Variants in PCDH9 observed in about 807,000 individuals in gnomAD.
The protein encoded by PCDH9 is protocadherin 9.
A neutral mutation model predicts 70.6 loss-of-function variants in PCDH9; 24 were observed. That is an observed-to-expected ratio of 0.34 (90% CI 0.25 to 0.48). The LOEUF (loss-of-function observed/expected upper bound fraction) is 0.48. PCDH9 is among the 20% of genes least tolerant of loss of function. The pLI is 0.99. For synonymous variants in PCDH9, 562 were observed against 558.5 expected, an observed-to-expected ratio of 1.01 and a Z score of -0.09; for missense variants, 1,281 against 1,503.6, an observed-to-expected ratio of 0.85 and a Z score of 2.45.
intron 2 of PCDH9, among the ~76,000 whole-genome samples, chr13:66,967,276 T>G (rs1185729336): frequency 6.6e-6 from 1 of 152,096 alleles, no homozygotes; most frequent in Non-Finnish European, 1.5e-5. Flanking sequence ...GTGGAATTAT[T>G]CGTAGTGATA....
chr13:66,954,462 C>T (rs529423956), intron 2 of PCDH9, among the ~76,000 whole-genome samples: 1 of 152,184 alleles, frequency 6.6e-6, no homozygotes, highest in Admixed American at 6.5e-5. Flanking sequence ...AATTTTTTAC[C>T]CTAAACATTG....
intron 3 of PCDH9, among the ~76,000 whole-genome samples, chr13:66,831,289 T>C (rs745781317): frequency 1.3e-5 from 2 of 152,226 alleles, no homozygotes; most frequent in Non-Finnish European, 2.9e-5. Flanking sequence ...CTTTTTTGTT[T>C]CTAGCTAAAA....
intron 3 of PCDH9, among the ~76,000 whole-genome samples, chr13:66,898,958 C>T (rs539985651): frequency 5.3e-5 from 8 of 151,938 alleles, no homozygotes; most frequent in Non-Finnish European, 1.0e-4. Flanking sequence ...GGAAATTAGA[C>T]TTACCTTGAA....
chr13:66,832,401 T>A (rs2139410319), intron 3 of PCDH9, among the ~76,000 whole-genome samples: 1 of 152,204 alleles, frequency 6.6e-6, no homozygotes, highest in South Asian at 2.1e-4. Flanking sequence ...TTTCCCTACA[T>A]TTTATCTTGA....
intron 4 of PCDH9, among the ~76,000 whole-genome samples, chr13:66,498,721 T>A (rs7337888): frequency 0.88 from 133,537 of 152,002 alleles, 58,756 homozygotes; most frequent in East Asian, 1. Context: ...CCTGAAAAAA[T>A]TTTTTTTTAA....
chr13:67,106,867 C>T (rs1189332205), intron 2 of PCDH9, among the ~76,000 whole-genome samples: 1 of 152,230 alleles, frequency 6.6e-6, no homozygotes, highest in Non-Finnish European at 1.5e-5. Context: ...TGTTGCAACA[C>T]AGCCCTGTGT....
rs1050214217 is a variant in PCDH9, at chr13:67,048,782, C to G, written c.3037-145177G>C. Among the ~76,000 whole-genome samples, 13 of 152,194 alleles carry G rather than the reference C, an allele frequency of 8.5e-5. No homozygotes were observed. The South Asian group carries it at 2.3e-3, about 27-fold the overall frequency. On this transcript the variant is annotated intron_variant, in intron 2 of 4. Coordinates refer to ENST00000377865, the MANE Select transcript of PCDH9 (RefSeq NM_203487.3). ...CTGCCTTACTCACAGGTGTTTCCTG[C>G]TCAGTGACTCACACGGTTTTGCACA...
intron 2 of PCDH9, among the ~76,000 whole-genome samples, chr13:67,033,403 AG>A (rs1381229074): frequency 2.0e-5 from 3 of 152,232 alleles, no homozygotes; most frequent in Admixed American, 2.0e-4. Context: ...CATGTGTCAT[AG>A]ATAAGGTACA....
chr13:66,963,883 A>T (rs975927142), intron 2 of PCDH9, among the ~76,000 whole-genome samples: 1 of 152,086 alleles, frequency 6.6e-6, no homozygotes, highest in Non-Finnish European at 1.5e-5. Flanking sequence ...AACTTTTTAT[A>T]TTTTTTTGTG....
At chr13:66,806,779 C>T (rs939614445) in intron 3 of PCDH9, among the ~76,000 whole-genome samples, 2 of 152,184 alleles carry the variant, frequency 1.3e-5, no homozygotes, top group African/African-American at 4.8e-5. Flanking sequence ...CTTAGCACAG[C>T]ACCTGCAGGC....
At chr13:66,486,304 A>T (rs2138520938) in intron 4 of PCDH9, among the ~76,000 whole-genome samples, 1 of 152,148 alleles carries the variant, frequency 6.6e-6, no homozygotes, top group East Asian at 1.9e-4. Context: ...TTAGCTAGGC[A>T]TGGTAGCGCA....
intron 3 of PCDH9, among the ~76,000 whole-genome samples, chr13:66,849,812 A>C (rs2081285296): frequency 6.6e-6 from 1 of 152,096 alleles, no homozygotes; most frequent in African/African-American, 2.4e-5. Flanking sequence ...TATCACCCGT[A>C]AGTCTTCAAG....
At chr13:66,967,827 C>T (rs1031867636) in intron 2 of PCDH9, among the ~76,000 whole-genome samples, 2 of 151,918 alleles carry the variant, frequency 1.3e-5, no homozygotes, top group African/African-American at 4.8e-5. Flanking sequence ...TTCATTGAAT[C>T]CTAGAAAATG....
chr13:66,425,922 C>T (rs1957660613), intron 4 of PCDH9, among the ~76,000 whole-genome samples: 1 of 151,570 alleles, frequency 6.6e-6, no homozygotes. Context: ...GAATTCTAAT[C>T]TCCATCAAAT....
chr13:66,867,418 C>T (rs1224462209), intron 3 of PCDH9, among the ~76,000 whole-genome samples: 1 of 151,940 alleles, frequency 6.6e-6, no homozygotes, highest in African/African-American at 2.4e-5. Context: ...GTAATATATC[C>T]TCCCTTTAGG....
chr13:67,091,168 C>T (rs1373022216), intron 2 of PCDH9, among the ~76,000 whole-genome samples: 1 of 151,978 alleles, frequency 6.6e-6, no homozygotes, highest in Non-Finnish European at 1.5e-5. Flanking sequence ...TGTTTGAACT[C>T]AAGTATTAAT....
chr13:66,966,030 A>AT (rs1431949748), intron 2 of PCDH9, among the ~76,000 whole-genome samples: 1 of 152,152 alleles, frequency 6.6e-6, no homozygotes, highest in Non-Finnish European at 1.5e-5. Flanking sequence ...AATTTACGAT[A>AT]TACATGAAGA....
At chr13:66,706,442 G>A (rs1311402553) in intron 3 of PCDH9, among the ~76,000 whole-genome samples, 1 of 152,162 alleles carries the variant, frequency 6.6e-6, no homozygotes, top group African/African-American at 2.4e-5. Context: ...CACTTAGAAG[G>A]TAGTGTTTTT....
In PCDH9 at chr13:66,860,503, T is replaced by C. The variant is rs556782591; in HGVS notation, c.3138+43001A>G. ...CCACAGCACTTGATCTGAAAAGACA[T>C]GGAAAAATTCAAATTCCAAAGCTGT... On this transcript the variant is annotated intron_variant, in intron 3 of 4. Transcript: ENST00000377865. 3.9e-4 allele frequency among the ~76,000 whole-genome samples: 59 copies of C among 152,278 alleles called. 1 individual carries two copies. Among genetic ancestry groups the C allele is most frequent in the African/African-American group, 1.4e-3 (57 of 41,556 alleles).
Sources: allele counts gnomAD v4.1 joint callset (sites outside exome capture counted in the v4.1 genomes callset), GRCh38; gene constraint gnomAD v4.1.1; transcripts MANE v1.5; gene names NCBI Gene and HGNC (gene_info 2026-07-23, HGNC 2026-07-21).